Variants in PDE2A observed in about 807,000 individuals in gnomAD.
The protein encoded by PDE2A is cGMP-dependent 3',5'-cyclic phosphodiesterase.
PDE2A carries 53 observed loss-of-function variants against 133.6 expected under a neutral mutation model. The ratio of observed to expected loss-of-function variants is 0.40; its 90% CI spans 0.32 to 0.50. PDE2A has a LOEUF of 0.50. Ranked by LOEUF, PDE2A falls within the 20% of genes least tolerant of loss-of-function variation. PDE2A has a pLI of 0.73. For missense variants in PDE2A, 796 were observed against 1,232.4 expected (o/e 0.65, Z 5.30); for synonymous variants, 491 against 490.2 (o/e 1.00, Z -0.02).
chr11:72,616,549 A>G (rs190091191), intron 2 of PDE2A, among the ~76,000 whole-genome samples: 2 of 152,354 alleles, frequency 1.3e-5, no homozygotes, highest in African/African-American at 2.4e-5. Context: ...TGAGGGCTAC[A>G]TGCCATCAGG....
At chr11:72,634,999 GC>G (rs1344537463) in intron 2 of PDE2A, among the ~76,000 whole-genome samples, 1 of 152,224 alleles carries the variant, frequency 6.6e-6, no homozygotes, top group African/African-American at 2.4e-5. Context: ...CAGGGAAGGG[GC>G]GGGGGTGAGC....
chr11:72,668,970 T>A, intron 1 of PDE2A: 1 of 1,003,202 alleles, frequency 1.0e-6, no homozygotes, highest in Non-Finnish European at 1.2e-6. Context: ...TTTCTGAAAG[T>A]GTGGCTGATC....
At chr11:72,636,476 C>G (rs1360963281) in intron 2 of PDE2A, among the ~76,000 whole-genome samples, 1 of 152,220 alleles carries the variant, frequency 6.6e-6, no homozygotes, top group East Asian at 1.9e-4. Flanking sequence ...TGTAGCAGCC[C>G]TGGGCCGGCT....
intron 1 of PDE2A, among the ~76,000 whole-genome samples, chr11:72,649,960 T>C (rs1263013287): frequency 6.7e-6 from 1 of 148,284 alleles, no homozygotes; most frequent in Non-Finnish European, 1.5e-5. Flanking sequence ...GACAGAAGAC[T>C]CCCCCAGCCC....
chr11:72,613,072 C>A (rs891990066), intron 2 of PDE2A, among the ~76,000 whole-genome samples: 4 of 152,186 alleles, frequency 2.6e-5, no homozygotes, highest in African/African-American at 9.7e-5. Context: ...AAGACCAACG[C>A]CCTTCCTGAG....
Position 72,576,549 on chromosome 11 carries a change from C to T in PDE2A, c.*835G>A. 5.9e-6 allele frequency: 1 copy of T among 169,348 alleles called. No individual in the cohort carries two copies. Among genetic ancestry groups the T allele is most frequent in the Middle Eastern group, 5.5e-4 (1 of 1,820 alleles). 10.5% of individuals were successfully genotyped at this position (169,348 alleles called of 1,614,324 possible). A position where few individuals can be genotyped will look rare whatever the true frequency, so the allele number is the denominator to read the frequency against. ...TAGGGTTGCAGAAACATTCCATAGC[C>T]TCTGCTGGGACTCCGCAGAGCGATA... On this transcript the variant is annotated 3_prime_UTR_variant, in exon 31 of 31. Transcript: ENST00000334456.
At chr11:72,619,219 T>C (rs1857626684) in intron 2 of PDE2A, among the ~76,000 whole-genome samples, 1 of 152,200 alleles carries the variant, frequency 6.6e-6, no homozygotes, top group African/African-American at 2.4e-5. Flanking sequence ...TCAAACTAAA[T>C]TTTATCTTGG....
chr11:72,579,359 T>G lies in PDE2A; in HGVS notation c.2281A>C (p.Met761Leu). 1 of 1,613,830 alleles carries G rather than the reference T, an allele frequency of 6.2e-7. No homozygotes were observed. The highest frequency in any genetic ancestry group is 8.5e-7 in the Non-Finnish European group (1 of 1,179,948). The change falls in exon 27 of 31, where the codon ATG (methionine) becomes CTG (leucine). Residue 761 changes from methionine to leucine, a missense_variant. Around this residue, in one of 7 missense-constraint regions of PDE2A, gnomAD observed 218 missense variants for 465.9 expected, o/e 0.47. Coordinates refer to ENST00000334456, the MANE Select transcript of PDE2A (RefSeq NM_002599.5). ...RKDYQRMLDL[M>L]RDIILATDLA... ...TCTGTGGCCAAGATGATGTCCCGCATCAGATCCAGCATGCGCTGATAGTCC... is the reference window on the plus strand; with the variant it reads ...TCTGTGGCCAAGATGATGTCCCGCAGCAGATCCAGCATGCGCTGATAGTCC...
chr11:72,590,345 C>G lies in PDE2A; in HGVS notation c.703+82G>C. 1 of 1,540,092 alleles carries G rather than the reference C, an allele frequency of 6.5e-7. No homozygotes were observed. Among genetic ancestry groups the G allele is most frequent in the South Asian group, 1.2e-5 (1 of 83,746 alleles). Reference sequence around the variant, plus strand: ...CTCCGCGCCGGGCCCGCCGCCGGCTCCCGGGATCGCCTAACCCGCCCACCT... The same window carrying G: ...CTCCGCGCCGGGCCCGCCGCCGGCTGCCGGGATCGCCTAACCCGCCCACCT... On this transcript the variant is annotated intron_variant, in intron 8 of 30. Transcript: ENST00000334456. The surrounding 1 kb of genome is among the most constrained non-coding windows in gnomAD (Gnocchi z 4.8).
At chr11:72,671,773 T>C (rs891948311) in intron 1 of PDE2A, among the ~76,000 whole-genome samples, 1 of 152,058 alleles carries the variant, frequency 6.6e-6, no homozygotes, top group Non-Finnish European at 1.5e-5. Flanking sequence ...AGCCAAAGGG[T>C]AGTGATGAAG....
intron 2 of PDE2A, among the ~76,000 whole-genome samples, chr11:72,609,541 A>G (rs1857111572): frequency 6.6e-6 from 1 of 152,222 alleles, no homozygotes; most frequent in Admixed American, 6.5e-5. Flanking sequence ...TGACTGTCTC[A>G]CAGCCTTCCC....
At chr11:72,610,559 C>T (rs1857162004) in intron 2 of PDE2A, among the ~76,000 whole-genome samples, 1 of 152,138 alleles carries the variant, frequency 6.6e-6, no homozygotes, top group African/African-American at 2.4e-5. Flanking sequence ...TCCCCAGATG[C>T]TTACTCAGCA....
At chr11:72,648,710 C>G (rs966876893) in intron 1 of PDE2A, among the ~76,000 whole-genome samples, 1 of 152,150 alleles carries the variant, frequency 6.6e-6, no homozygotes, top group Non-Finnish European at 1.5e-5. Flanking sequence ...CCCCAGCATA[C>G]CTTAGGCCTT....
intron 7 of PDE2A, 98 bp downstream of exon 7, chr11:72,591,199 T>A: frequency 1.0e-6 from 1 of 999,260 alleles, no homozygotes; most frequent in Non-Finnish European, 1.6e-6. Context: ...AAGCCGAAGC[T>A]GAAACCCAGG....
chr11:72,620,033 G>T (rs1024513175), intron 2 of PDE2A, among the ~76,000 whole-genome samples: 1 of 152,182 alleles, frequency 6.6e-6, no homozygotes, highest in Non-Finnish European at 1.5e-5. Context: ...GAGGGGAAAG[G>T]CTTGGTGAGG....
chr11:72,634,179 G>T (rs1485254065), intron 2 of PDE2A, among the ~76,000 whole-genome samples: 1 of 152,154 alleles, frequency 6.6e-6, no homozygotes, highest in Admixed American at 6.5e-5. Flanking sequence ...GCAGGAGGAA[G>T]CGGGTGGCAG....
chr11:72,586,766 A>G (rs1855994559), intron 13 of PDE2A, among the ~76,000 whole-genome samples: 1 of 152,172 alleles, frequency 6.6e-6, no homozygotes, highest in Admixed American at 6.5e-5. Context: ...GGGTGGACCA[A>G]TGGTGTGGGT....
Position 72,608,856 on chromosome 11 carries a change from G to A in PDE2A, c.145-105C>T, listed in dbSNP as rs371981410. 16 of 666,288 alleles carry A rather than the reference G, an allele frequency of 2.4e-5. 1 individual carries two copies. Among genetic ancestry groups the A allele is most frequent in the South Asian group, 2.0e-4 (12 of 60,512 alleles). 41.3% of individuals were successfully genotyped at this position (666,288 alleles called of 1,614,324 possible). A position where few individuals can be genotyped will look rare whatever the true frequency, so the allele number is the denominator to read the frequency against. ...AACCCCCCAGCTTAGTCCAGAGCCC[G>A]AGTCTTTCAGGCACAGGAATCCCAG... On this transcript the variant is annotated intron_variant, in intron 2 of 30. Coordinates refer to ENST00000334456, the MANE Select transcript of PDE2A (RefSeq NM_002599.5).
intron 3 of PDE2A, among the ~76,000 whole-genome samples, chr11:72,608,415 A>G (rs1175013246): frequency 6.6e-6 from 1 of 152,138 alleles, no homozygotes; most frequent in African/African-American, 2.4e-5. Flanking sequence ...TTAACCTCTA[A>G]GGCCCCTTCT....
Sources: allele counts gnomAD v4.1 joint callset (sites outside exome capture counted in the v4.1 genomes callset), GRCh38; gene constraint gnomAD v4.1.1; regional missense constraint gnomAD v4.1.1; non-coding constraint Gnocchi (gnomAD v3.1); transcripts MANE v1.5; gene names NCBI Gene and HGNC (gene_info 2026-07-23, HGNC 2026-07-21).